HTR2C: variants seen among roughly 807,000 people sequenced by gnomAD.
HTR2C encodes 5-hydroxytryptamine receptor 2C.
A neutral mutation model predicts 21.0 loss-of-function variants in HTR2C; 5 were observed. That is an observed-to-expected ratio of 0.24 (90% CI 0.12 to 0.50). The LOEUF is 0.50. Among genes scored for constraint, HTR2C ranks in the 20% least tolerant of loss-of-function variants. HTR2C has a pLI of 0.98. For synonymous variants in HTR2C, 150 were observed against 145.3 expected, an observed-to-expected ratio of 1.03 and a Z score of -0.23; for missense variants, 271 against 371.2, an observed-to-expected ratio of 0.73 and a Z score of 2.22.
chrX:114,742,711 GT>G (rs137858628), intron 4 of HTR2C, among the ~76,000 whole-genome samples: 2,796 of 81,421 alleles, frequency 0.034, 130 homozygotes, highest in African/African-American at 0.12. Context: ...AGCAGCTACT[GT>G]TTTTTTTTTT....
chrX:114,828,776 C>A lies in HTR2C; in HGVS notation c.350-19227C>A, dbSNP rs145577878. 4.5e-4 allele frequency among the ~76,000 whole-genome samples: 50 copies of A among 111,622 alleles called. No individual in the cohort carries two copies. The East Asian group carries it at 0.013, about 29-fold the overall frequency. ...TGGAAAACACTAGTCTCCTATCTGTCTTTAAGGATTTACCTATTCTGAATA... is the reference window on the plus strand; with the variant it reads ...TGGAAAACACTAGTCTCCTATCTGTATTTAAGGATTTACCTATTCTGAATA... On this transcript the variant is annotated intron_variant, in intron 4 of 5. Coordinates refer to ENST00000276198, the MANE Select transcript of HTR2C (RefSeq NM_000868.4).
At chrX:114,744,456 C>CTT (rs782167644) in intron 4 of HTR2C, among the ~76,000 whole-genome samples, 6 of 94,593 alleles carry the variant, frequency 6.3e-5, no homozygotes, top group African/African-American at 2.3e-4. Flanking sequence ...AAAGCTCATT[C>CTT]TTTTTTTTTT....
chrX:114,843,313 G>T (rs1556466222), intron 4 of HTR2C, among the ~76,000 whole-genome samples: 1 of 111,572 alleles, frequency 9.0e-6, no homozygotes, highest in Admixed American at 9.5e-5. Context: ...AAATATGGCA[G>T]CTAAAAATTA....
chrX:114,727,615 T>A (rs908698612), intron 3 of HTR2C, among the ~76,000 whole-genome samples: 1 of 111,903 alleles, frequency 8.9e-6, no homozygotes, highest in East Asian at 2.8e-4. Flanking sequence ...GAACGAAGCA[T>A]AGAAAAAAAT....
intron 4 of HTR2C, among the ~76,000 whole-genome samples, chrX:114,761,571 G>C (rs1304345016): frequency 1.8e-5 from 2 of 110,589 alleles, no homozygotes; most frequent in African/African-American, 6.6e-5. Context: ...TTTCACATGC[G>C]TTAACTCATT....
intron 2 of HTR2C, among the ~76,000 whole-genome samples, chrX:114,724,126 C>T (rs782217881): frequency 1.9e-5 from 2 of 104,937 alleles, no homozygotes; most frequent in African/African-American, 6.9e-5. Context: ...TGTTAAAGTC[C>T]TCCATTATTA....
intron 3 of HTR2C, among the ~76,000 whole-genome samples, chrX:114,728,803 TTC>T (rs2069508143): frequency 8.9e-6 from 1 of 111,913 alleles, no homozygotes; most frequent in Non-Finnish European, 1.9e-5. Context: ...TCGTATATGT[TTC>T]TGTTATATAT....
Position 114,807,334 on chromosome X carries a change from A to G in HTR2C, c.350-40669A>G, listed in dbSNP as rs188873222. ...CCATATATCTATACCATATATATAC[A>G]CCATGTATCTATACCATATATATAC... On this transcript the variant is annotated intron_variant, in intron 4 of 5. Coordinates refer to ENST00000276198, the MANE Select transcript of HTR2C (RefSeq NM_000868.4). Among the ~76,000 whole-genome samples the G allele has an allele frequency of 1.2e-3, 97 of 79,709 alleles. 15 individuals carry two copies. Among genetic ancestry groups the G allele is most frequent in the African/African-American group, 4.6e-3 (80 of 17,473 alleles). The allele number at this position is 79,709 out of a possible 115,157, so 69.2% of individuals were successfully genotyped here. A position where few individuals can be genotyped will look rare whatever the true frequency, so the allele number is the denominator to read the frequency against.
intron 3 of HTR2C, 72 bp downstream of exon 3, chrX:114,727,043 A>G: frequency 1.6e-6 from 1 of 625,680 alleles, no homozygotes; most frequent in Non-Finnish European, 2.3e-6. Context: ...CATGTTAAAA[A>G]AATGCTTCTA....
At chrX:114,778,513 T>C (rs2070081952) in intron 4 of HTR2C, among the ~76,000 whole-genome samples, 1 of 99,915 alleles carries the variant, frequency 1.0e-5, no homozygotes, top group Non-Finnish European at 2.0e-5. Context: ...TAGGATGAGA[T>C]AAAGCAATGA....
At chrX:114,846,040 A>G (rs1265387393) in intron 4 of HTR2C, among the ~76,000 whole-genome samples, 1 of 110,852 alleles carries the variant, frequency 9.0e-6, no homozygotes, top group Admixed American at 9.7e-5. Flanking sequence ...TTATAAAACA[A>G]TACAATGAAC....
At position 114,752,532 on chromosome X, in the gene HTR2C, A is replaced by G. The variant is rs189653581; in HGVS notation, c.349+20925A>G. ...GATCAATAACTAATTGATTAGTGCA[A>G]TTCACCGAAGACTATCATAAACAAA... On this transcript the variant is annotated intron_variant, in intron 4 of 5. Coordinates refer to ENST00000276198, the MANE Select transcript of HTR2C (RefSeq NM_000868.4). Among the ~76,000 whole-genome samples the G allele has an allele frequency of 2.3e-3, 259 of 111,402 alleles. 1 individual carries two copies. Among genetic ancestry groups the G allele is most frequent in the African/African-American group, 8.1e-3 (248 of 30,720 alleles).
chrX:114,850,300 T>C (rs1431818436), intron 5 of HTR2C, among the ~76,000 whole-genome samples: 2 of 110,205 alleles, frequency 1.8e-5, no homozygotes, highest in Non-Finnish European at 3.8e-5. Context: ...TCCCAGCTAC[T>C]TGGGAGGCTG....
At chrX:114,838,076 T>C (rs782732158) in intron 4 of HTR2C, among the ~76,000 whole-genome samples, 169 of 111,786 alleles carry the variant, frequency 1.5e-3, no homozygotes, top group Non-Finnish European at 2.6e-3. Context: ...GATTTCATGA[T>C]GATAAATCGC....
At chrX:114,667,384 G>A (rs782141307) in intron 2 of HTR2C, among the ~76,000 whole-genome samples, 3 of 110,464 alleles carry the variant, frequency 2.7e-5, no homozygotes, top group Non-Finnish European at 5.7e-5. Flanking sequence ...TTGTTTTTTA[G>A]TATTGGGTAC....
chrX:114,859,494 C>G (rs182022179), intron 5 of HTR2C, among the ~76,000 whole-genome samples: 1 of 111,641 alleles, frequency 9.0e-6, no homozygotes, highest in East Asian at 2.8e-4. Flanking sequence ...TTATTGGCAT[C>G]AAGTGGTGTA....
intron 4 of HTR2C, among the ~76,000 whole-genome samples, chrX:114,812,328 C>T (rs2070540192): frequency 1.8e-5 from 2 of 111,679 alleles, no homozygotes; most frequent in Admixed American, 1.9e-4. Context: ...CCACCCTCTA[C>T]ATGGGTTATA....
At chrX:114,758,414 A>C (rs1282135315) in intron 4 of HTR2C, among the ~76,000 whole-genome samples, 1 of 109,115 alleles carries the variant, frequency 9.2e-6, no homozygotes, top group East Asian at 2.9e-4. Flanking sequence ...AAACCAAAAA[A>C]ATAGCCAAGC....
At chrX:114,746,622 G>C (rs180873390) in intron 4 of HTR2C, among the ~76,000 whole-genome samples, 1 of 111,117 alleles carries the variant, frequency 9.0e-6, no homozygotes, top group Non-Finnish European at 1.9e-5. Context: ...GGGAGGCTGA[G>C]GTGGGAGGAT....
Sources: allele counts gnomAD v4.1 joint callset (sites outside exome capture counted in the v4.1 genomes callset), GRCh38; gene constraint gnomAD v4.1.1; transcripts MANE v1.5; gene names NCBI Gene and HGNC (gene_info 2026-07-23, HGNC 2026-07-21).